The following NCOR2 variants were observed in gnomAD, a reference collection of about 807,000 sequenced individuals.
NCOR2 encodes the protein nuclear receptor corepressor 2.
NCOR2 carries 81 observed loss-of-function variants against 262.9 expected under a neutral mutation model. That is an observed-to-expected ratio of 0.31 (90% CI 0.26 to 0.37). The LOEUF (loss-of-function observed/expected upper bound fraction) is 0.37, where lower values mean the gene tolerates loss of function less well. Ranked by LOEUF, NCOR2 falls within the 10% of genes least tolerant of loss-of-function variation. NCOR2 has a pLI of 1.00. For missense variants in NCOR2, 3,385 were observed against 3,621.4 expected, an observed-to-expected ratio of 0.93 and a Z score of 1.68; for synonymous variants, 1,659 against 1,559.3, an observed-to-expected ratio of 1.06 and a Z score of -1.51.
chr12:124,473,305 G>T (rs537482263), intron 3 of NCOR2, among the ~76,000 whole-genome samples, 174 bp from the exon 6 acceptor site: 1 of 152,346 alleles, frequency 6.6e-6, no homozygotes, highest in African/African-American at 2.4e-5. Flanking sequence ...TCAGTGGGCT[G>T]GAGAAGGCAG....
At chr12:124,402,661 G>T (rs1593384729) in intron 13 of NCOR2, 100 bp from the exon 16 acceptor site, 1 of 1,528,090 alleles carries the variant, frequency 6.5e-7, no homozygotes, top group Non-Finnish European at 8.8e-7. Context: ...GGGGGAGGAG[G>T]AGGAAAACCC....
At chr12:124,556,954 G>A (rs549307534) in intron 1 of NCOR2, among the ~76,000 whole-genome samples, 19 of 152,334 alleles carry the variant, frequency 1.2e-4, no homozygotes, top group Admixed American at 1.0e-3. Context: ...GCCCCGTGGC[G>A]GAAGCTGCCT....
chr12:124,428,043 CAGTGTGTGTG>C (rs1490703925), intron 10 of NCOR2, among the ~76,000 whole-genome samples: 1 of 40,964 alleles, frequency 2.4e-5, no homozygotes, highest in East Asian at 8.5e-4. Context: ...CCCATGTGGC[CAGTGTGTGTG>C]TGTGTGTGTG....
intron 1 of NCOR2, among the ~76,000 whole-genome samples, chr12:124,554,120 C>T (rs958308280): frequency 3.3e-5 from 5 of 152,234 alleles, no homozygotes; most frequent in South Asian, 2.1e-4. Context: ...GCGTGAGCAG[C>T]GTGAACCCTC....
chr12:124,340,346 C>T (rs1475114799), exon 36 of NCOR2: 1 of 1,612,972 alleles, frequency 6.2e-7, no homozygotes, highest in Non-Finnish European at 8.5e-7. Flanking sequence ...TGAGGATGGA[C>T]TTTTCCCGCT....
intron 1 of NCOR2, among the ~76,000 whole-genome samples, chr12:124,527,374 A>G (rs1331850423): frequency 2.0e-5 from 3 of 152,178 alleles, no homozygotes; most frequent in Admixed American, 1.3e-4. Flanking sequence ...GGGGATGATG[A>G]TAATCCCTAC....
At chr12:124,507,433 G>A (rs969968763) in intron 1 of NCOR2, among the ~76,000 whole-genome samples, 1 of 152,136 alleles carries the variant, frequency 6.6e-6, no homozygotes, top group Non-Finnish European at 1.5e-5. Context: ...GTTGTTCCGC[G>A]GTGGCCCCAA....
intron 18 of NCOR2, among the ~76,000 whole-genome samples, chr12:124,375,994 G>C (rs1455679627): frequency 6.6e-6 from 1 of 152,218 alleles, no homozygotes; most frequent in Non-Finnish European, 1.5e-5. Flanking sequence ...GAGCACAAGA[G>C]ACAGGTCACG....
chr12:124,385,759 G>A (rs749439677), exon 17 of NCOR2: 4 of 1,613,822 alleles, frequency 2.5e-6, no homozygotes, highest in South Asian at 2.2e-5. Flanking sequence ...TTCAGCTTGT[G>A]CTGCTGCAAG....
At chr12:124,385,000 G>A (rs1385955830) in intron 17 of NCOR2, among the ~76,000 whole-genome samples, 1 of 152,144 alleles carries the variant, frequency 6.6e-6, no homozygotes, top group African/African-American at 2.4e-5. Context: ...CCAAAAAGGG[G>A]ACAATGCTTG....
intron 1 of NCOR2, among the ~76,000 whole-genome samples, chr12:124,557,016 A>T (rs2051905508): frequency 6.6e-6 from 1 of 152,250 alleles, no homozygotes; most frequent in Admixed American, 6.5e-5. Flanking sequence ...CAGAGCGGGC[A>T]AGGGGAGCAG....
intron 16 of NCOR2, among the ~76,000 whole-genome samples, chr12:124,386,518 G>A (rs956191262): frequency 1.7e-4 from 26 of 152,100 alleles, no homozygotes; most frequent in Admixed American, 7.9e-4. Flanking sequence ...CTCAGGACTC[G>A]GGGCCCACCA....
At chr12:124,426,231 G>A (rs1239609057) in intron 11 of NCOR2, among the ~76,000 whole-genome samples, 1 of 152,174 alleles carries the variant, frequency 6.6e-6, no homozygotes, top group Non-Finnish European at 1.5e-5. Flanking sequence ...GTAATTAGTT[G>A]AAGTGAGGTT....
At chr12:124,493,802 T>G (rs1240114960) in intron 1 of NCOR2, among the ~76,000 whole-genome samples, 2 of 152,126 alleles carry the variant, frequency 1.3e-5, no homozygotes, top group Non-Finnish European at 2.9e-5. Context: ...GCTCAATAAA[T>G]AGAGGCACGG....
chr12:124,403,705 G>A (rs1411606321), intron 13 of NCOR2, among the ~76,000 whole-genome samples: 1 of 152,226 alleles, frequency 6.6e-6, no homozygotes, highest in African/African-American at 2.4e-5. Flanking sequence ...GATCGGGGAG[G>A]TGAGAGAGAC....
intron 27 of NCOR2, among the ~76,000 whole-genome samples, chr12:124,352,852 C>A (rs889001750): frequency 6.6e-6 from 1 of 152,182 alleles, no homozygotes; most frequent in African/African-American, 2.4e-5. Context: ...TGCTCTTGGC[C>A]CCAATGAACT....
chr12:124,557,287 C>A (rs1295573100), intron 1 of NCOR2, among the ~76,000 whole-genome samples: 1 of 152,230 alleles, frequency 6.6e-6, no homozygotes, highest in South Asian at 2.1e-4. Context: ...CCCACTGTTA[C>A]TTTGTCACAG....
intron 14 of NCOR2, 23 bp downstream of exon 16, chr12:124,402,381 C>A (rs2042033439): frequency 6.2e-7 from 1 of 1,612,976 alleles, no homozygotes; most frequent in Admixed American, 1.7e-5. Context: ...CCGGGCCCTG[C>A]AGGGGACAGC....
At chr12:124,406,432 T>A (rs1273535096) in intron 13 of NCOR2, among the ~76,000 whole-genome samples, 2 of 152,102 alleles carry the variant, frequency 1.3e-5, no homozygotes, top group Admixed American at 6.5e-5. Flanking sequence ...TGGCCTCAGA[T>A]CCCACTGAGG....
Sources: gnomAD v4.1 joint callset for allele counts (sites outside exome capture counted in the v4.1 genomes callset) on GRCh38, gnomAD v4.1.1 for gene constraint, MANE v1.5 for transcripts, NCBI Gene and HGNC (gene_info 2026-07-23, HGNC 2026-07-21) for gene names.